CCDC192: variants seen among roughly 807,000 people sequenced by gnomAD.
CCDC192 encodes coiled-coil domain containing 192, also known as coiled-coil domain-containing protein 192.
intron 6 of CCDC192, among the ~76,000 whole-genome samples, chr5:127,906,462 A>G (rs1753196124): frequency 6.6e-6 from 1 of 152,306 alleles, no homozygotes; most frequent in South Asian, 2.1e-4. Context: ...GGCTGTTGTG[A>G]ATAATATTGT....
At chr5:127,704,842 TA>T (rs2126766259) in intron 1 of CCDC192, among the ~76,000 whole-genome samples, 1 of 22,560 alleles carries the variant, frequency 4.4e-5, no homozygotes, top group South Asian at 8.8e-4. Context: ...CCATCTAAAA[TA>T]AATAAATAAA....
intron 2 of CCDC192, among the ~76,000 whole-genome samples, chr5:127,713,911 A>G (rs1353945186): frequency 6.6e-6 from 1 of 152,204 alleles, no homozygotes; most frequent in Non-Finnish European, 1.5e-5. Flanking sequence ...TGTTAACTGT[A>G]GTTACTCTGC....
intron 2 of CCDC192, among the ~76,000 whole-genome samples, chr5:127,723,819 T>C (rs1319184453): frequency 1.3e-5 from 2 of 152,236 alleles, no homozygotes; most frequent in African/African-American, 4.8e-5. Context: ...TCAGCTTAAC[T>C]TATTTTGATA....
chr5:127,777,327 T>C (rs1755926511), intron 3 of CCDC192, among the ~76,000 whole-genome samples: 1 of 152,232 alleles, frequency 6.6e-6, no homozygotes, highest in South Asian at 2.1e-4. Context: ...GCCTGGGACT[T>C]TTAGCCCTTC....
intron 3 of CCDC192, among the ~76,000 whole-genome samples, chr5:127,779,535 T>G (rs1029713038): frequency 6.6e-6 from 1 of 152,106 alleles, no homozygotes; most frequent in African/African-American, 2.4e-5. Flanking sequence ...GACCCTGTGA[T>G]CCACCCGCCT....
chr5:127,705,615 A>C (rs1162298999), intron 1 of CCDC192, among the ~76,000 whole-genome samples: 1 of 152,150 alleles, frequency 6.6e-6, no homozygotes, highest in African/African-American at 2.4e-5. Context: ...CTTGTGGAAT[A>C]CAAAGGCAAG....
At chr5:127,779,727 T>A (rs1011802421) in intron 3 of CCDC192, among the ~76,000 whole-genome samples, 3 of 152,200 alleles carry the variant, frequency 2.0e-5, no homozygotes, top group African/African-American at 4.8e-5. Context: ...GTTCTTTTTT[T>A]AAAAAATGTT....
chr5:127,884,342 CAAAAAAAAAAAAAAAA>C lies in CCDC192; in HGVS notation c.535+8693_535+8708del, dbSNP rs778430655. 1.4e-3 allele frequency among the ~76,000 whole-genome samples: 16 copies of C among 11,842 alleles called. 1 individual carries two copies. In the Admixed American group the frequency reaches 0.02, roughly 15 times the overall value. 7.8% of individuals were successfully genotyped at this position (11,842 alleles called of 152,430 possible). On this transcript the variant is annotated intron_variant, in intron 6 of 6. Transcript: ENST00000514853. ...TGGGCGACAGAGCAAGACTCCGTCTCAAAAAAAAAAAAAAAAAAAAAAAAAAAGAAGAGGGAAGAGA... is the reference window on the plus strand; with the variant it reads ...TGGGCGACAGAGCAAGACTCCGTCTCAAAAAAAAAAAGAAGAGGGAAGAGA...
At chr5:127,801,355 G>A (rs1003264961) in intron 5 of CCDC192, among the ~76,000 whole-genome samples, 6 of 152,122 alleles carry the variant, frequency 3.9e-5, no homozygotes, top group Non-Finnish European at 7.4e-5. Flanking sequence ...TGTTTGGAGT[G>A]TGCCTCCTTA....
At chr5:127,846,479 T>C (rs965588773) in intron 5 of CCDC192, among the ~76,000 whole-genome samples, 2 of 151,970 alleles carry the variant, frequency 1.3e-5, no homozygotes, top group Admixed American at 6.6e-5. Flanking sequence ...TGTTTTTATT[T>C]TTATTTTGAG....
intron 6 of CCDC192, among the ~76,000 whole-genome samples, chr5:127,917,924 G>T (rs570382861): frequency 3.9e-5 from 6 of 152,092 alleles, no homozygotes; most frequent in Non-Finnish European, 5.9e-5. Flanking sequence ...TGGGTCACTT[G>T]AGCCCAGGTG....
intron 6 of CCDC192, among the ~76,000 whole-genome samples, chr5:127,906,451 T>C (rs1753195970): frequency 6.6e-6 from 1 of 152,222 alleles, no homozygotes; most frequent in Non-Finnish European, 1.5e-5. Flanking sequence ...TTCTACCTTT[T>C]GGCTGTTGTG....
chr5:127,780,934 T>G (rs1756180374), intron 3 of CCDC192, among the ~76,000 whole-genome samples: 1 of 152,238 alleles, frequency 6.6e-6, no homozygotes, highest in Non-Finnish European at 1.5e-5. Context: ...CAATGTTATC[T>G]TTTAAAATTT....
chr5:127,912,572 G>C (rs1172666657), intron 6 of CCDC192, among the ~76,000 whole-genome samples: 1 of 152,166 alleles, frequency 6.6e-6, no homozygotes, highest in Non-Finnish European at 1.5e-5. Flanking sequence ...GAGCCTCTGT[G>C]ATAGTGGGAG....
chr5:127,746,903 A>G (rs546026611), intron 2 of CCDC192, among the ~76,000 whole-genome samples: 1 of 152,234 alleles, frequency 6.6e-6, no homozygotes, highest in African/African-American at 2.4e-5. Flanking sequence ...AACAATTACA[A>G]AAACTGAATG....
intron 5 of CCDC192, among the ~76,000 whole-genome samples, chr5:127,859,082 T>C (rs905288270): frequency 2.0e-5 from 3 of 152,222 alleles, no homozygotes; most frequent in African/African-American, 4.8e-5. Context: ...TGACTACTAA[T>C]GTTCCCAACT....
At chr5:127,871,362 A>G (rs1472705779) in intron 5 of CCDC192, among the ~76,000 whole-genome samples, 4 of 152,192 alleles carry the variant, frequency 2.6e-5, no homozygotes, top group African/African-American at 9.7e-5. Context: ...AAGTATGATA[A>G]CTCCCATTTT....
chr5:127,882,223 C>T (rs1349987715), intron 6 of CCDC192, among the ~76,000 whole-genome samples: 1 of 152,178 alleles, frequency 6.6e-6, no homozygotes, highest in African/African-American at 2.4e-5. Flanking sequence ...TGACACATAA[C>T]TTTTTAAACA....
chr5:127,738,209 T>A (rs1753147330), intron 2 of CCDC192, among the ~76,000 whole-genome samples: 3 of 150,970 alleles, frequency 2.0e-5, no homozygotes, highest in Admixed American at 1.3e-4. Flanking sequence ...TGGCTGGATA[T>A]GAAATTCTGG....
Sources: gnomAD v4.1 joint callset for allele counts (sites outside exome capture counted in the v4.1 genomes callset) on GRCh38, gnomAD v4.1.1 for gene constraint, MANE v1.5 for transcripts, NCBI Gene and HGNC (gene_info 2026-07-23, HGNC 2026-07-21) for gene names.